Variants in NRG3 observed in about 807,000 individuals in gnomAD.
The protein encoded by NRG3 is neuregulin 3.
In NRG3, 31 loss-of-function variants were observed where a neutral mutation model predicts 66.9. The ratio of observed to expected loss-of-function variants is 0.46; its 90% CI spans 0.35 to 0.63. NRG3 has a LOEUF of 0.63. Among genes scored for constraint, NRG3 ranks in the 20% least tolerant of loss-of-function variants. The pLI, the probability that NRG3 is intolerant of heterozygous loss-of-function variation, is 0.00. For synonymous variants in NRG3, 393 were observed against 359.4 expected, an observed-to-expected ratio of 1.09 and a Z score of -1.06; for missense variants, 910 against 878.9, an observed-to-expected ratio of 1.04 and a Z score of -0.45.
chr10:82,244,756 C>T (rs1589448056), intron 1 of NRG3, among the ~76,000 whole-genome samples: 1 of 152,162 alleles, frequency 6.6e-6, no homozygotes, highest in East Asian at 1.9e-4. Flanking sequence ...TGATTGGAGA[C>T]AGAGTCTTGC....
chr10:82,043,089 A>G (rs1444448302), intron 1 of NRG3, among the ~76,000 whole-genome samples: 1 of 152,048 alleles, frequency 6.6e-6, no homozygotes, highest in Non-Finnish European at 1.5e-5. Context: ...CTGGGAAATA[A>G]ATGATGTCAT....
intron 4 of NRG3, among the ~76,000 whole-genome samples, chr10:82,940,471 T>A (rs149207053): frequency 2.0e-5 from 3 of 152,334 alleles, no homozygotes; most frequent in African/African-American, 7.2e-5. Context: ...AATTTCTCCT[T>A]TTACTAAGGA....
At chr10:82,536,642 G>A (rs1190833614) in intron 2 of NRG3, among the ~76,000 whole-genome samples, 1 of 142,684 alleles carries the variant, frequency 7.0e-6, no homozygotes, top group Non-Finnish European at 1.5e-5. Context: ...TAACAGATTT[G>A]TGCTTAATTC....
chr10:82,674,636 A>G (rs183712226), intron 2 of NRG3, among the ~76,000 whole-genome samples: 2 of 152,188 alleles, frequency 1.3e-5, no homozygotes, highest in Admixed American at 1.3e-4. Context: ...TTCATCCAGC[A>G]CTCTATATCT....
At chr10:82,031,496 G>A (rs2062565074) in intron 1 of NRG3, among the ~76,000 whole-genome samples, 1 of 152,082 alleles carries the variant, frequency 6.6e-6, no homozygotes, top group African/African-American at 2.4e-5. Flanking sequence ...GAATGAAATA[G>A]AAATCAATTT....
intron 2 of NRG3, among the ~76,000 whole-genome samples, chr10:82,537,266 A>C (rs1847897976): frequency 6.6e-6 from 1 of 152,204 alleles, no homozygotes; most frequent in Non-Finnish European, 1.5e-5. Flanking sequence ...GGTAACATTT[A>C]AATTATGATA....
In NRG3 at chr10:82,627,526, A is replaced by C. The variant is rs149115619; in HGVS notation, c.954-111051A>C. Among the ~76,000 whole-genome samples the C allele has an allele frequency of 7.4e-3, 1,124 of 152,312 alleles. 7 individuals carry two copies. The highest frequency in any genetic ancestry group is 0.022 in the African/African-American group (918 of 41,580). ...AAAATAACCTCAAATAATTCAAAGC[A>C]AGATGGCTGGCAATTTTCTGGAATT... On this transcript the variant is annotated intron_variant, in intron 2 of 8. Coordinates refer to ENST00000372141, the MANE Select transcript of NRG3 (RefSeq NM_001010848.4).
chr10:82,891,475 T>C (rs1214019462), intron 4 of NRG3, among the ~76,000 whole-genome samples: 1 of 152,050 alleles, frequency 6.6e-6, no homozygotes, highest in Non-Finnish European at 1.5e-5. Flanking sequence ...ACATATTTTA[T>C]AGATTTCTGT....
chr10:82,856,641 G>A (rs186423055), intron 3 of NRG3, among the ~76,000 whole-genome samples: 2 of 151,438 alleles, frequency 1.3e-5, no homozygotes, highest in African/African-American at 4.8e-5. Context: ...CTACTTGGGG[G>A]GCTGAGACAG....
chr10:81,919,128 G>C (rs1205566618), intron 1 of NRG3, among the ~76,000 whole-genome samples: 2 of 152,078 alleles, frequency 1.3e-5, no homozygotes, highest in Non-Finnish European at 2.9e-5. Flanking sequence ...ATTCTTGTTG[G>C]AATTAACTGA....
intron 4 of NRG3, among the ~76,000 whole-genome samples, chr10:82,877,024 G>GAA (rs763600557): frequency 4.2e-5 from 4 of 94,528 alleles, no homozygotes; most frequent in African/African-American, 1.1e-4. Flanking sequence ...ACTCTGCCAA[G>GAA]AAAAAAAAAA....
At chr10:82,729,335 A>G (rs2057774691) in intron 2 of NRG3, among the ~76,000 whole-genome samples, 1 of 152,176 alleles carries the variant, frequency 6.6e-6, no homozygotes, top group Non-Finnish European at 1.5e-5. Context: ...CTTCTTCATA[A>G]GGGCAATTAT....
chr10:82,529,887 T>C (rs1847090706), intron 2 of NRG3, among the ~76,000 whole-genome samples: 1 of 152,088 alleles, frequency 6.6e-6, no homozygotes, highest in Non-Finnish European at 1.5e-5. Context: ...GTTATCCATA[T>C]ACAAAAAAAA....
At chr10:82,255,564 C>T (rs1031767604) in intron 1 of NRG3, among the ~76,000 whole-genome samples, 6 of 151,866 alleles carry the variant, frequency 4.0e-5, no homozygotes, top group African/African-American at 1.2e-4. Context: ...ACTGTTTTCT[C>T]AATTTTTCTG....
intron 1 of NRG3, among the ~76,000 whole-genome samples, chr10:82,269,115 A>G (rs2078458743): frequency 6.6e-6 from 1 of 152,026 alleles, no homozygotes; most frequent in African/African-American, 2.4e-5. Context: ...TCAATGTATA[A>G]ATCTACCAGC....
At chr10:82,175,335 A>C (rs1186269631) in intron 1 of NRG3, among the ~76,000 whole-genome samples, 1 of 152,132 alleles carries the variant, frequency 6.6e-6, no homozygotes, top group African/African-American at 2.4e-5. Flanking sequence ...AAAACTTTAA[A>C]GGCTCAAGAG....
chr10:82,489,342 G>T (rs1260242408), intron 2 of NRG3, among the ~76,000 whole-genome samples: 1 of 152,150 alleles, frequency 6.6e-6, no homozygotes, highest in Non-Finnish European at 1.5e-5. Context: ...AGCAATCTTT[G>T]TTTAGGTTCA....
intron 1 of NRG3, among the ~76,000 whole-genome samples, chr10:81,959,428 A>G (rs1850142458): frequency 1.3e-5 from 2 of 152,218 alleles, no homozygotes; most frequent in African/African-American, 4.8e-5. Context: ...TCTCATATAC[A>G]TTTATATGTG....
chr10:82,341,776 C>T (rs1008886232), intron 1 of NRG3, among the ~76,000 whole-genome samples: 5 of 151,944 alleles, frequency 3.3e-5, no homozygotes, highest in Non-Finnish European at 5.9e-5. Flanking sequence ...TTTGTAGTCT[C>T]CAGTGTATAT....
Sources: gnomAD v4.1 joint callset for allele counts (sites outside exome capture counted in the v4.1 genomes callset) on GRCh38, gnomAD v4.1.1 for gene constraint, MANE v1.5 for transcripts, NCBI Gene and HGNC (gene_info 2026-07-23, HGNC 2026-07-21) for gene names.